BRD10: variants seen among roughly 807,000 people sequenced by gnomAD.
BRD10 encodes bromodomain containing 10.
the BRD10 span, chr9:5,922,401 G>C: frequency 6.2e-7 from 1 of 1,613,942 alleles, no homozygotes; most frequent in South Asian, 1.1e-5. Context: ...TTAACTGATG[G>C]TGTTAATAAG....
chr9:5,935,594 A>AT, the BRD10 span, among the ~76,000 whole-genome samples: 2 of 152,220 alleles, frequency 1.3e-5, no homozygotes, highest in East Asian at 3.8e-4. Context: ...CAAACTGATG[A>AT]TATTTTAACA....
At chr9:5,960,554 C>T in the BRD10 span, among the ~76,000 whole-genome samples, 1 of 124,266 alleles carries the variant, frequency 8.0e-6, no homozygotes, top group Non-Finnish European at 1.8e-5. Context: ...AAGAGTGAGA[C>T]TCTGTCTCAA....
the BRD10 span, among the ~76,000 whole-genome samples, chr9:5,996,859 A>T: frequency 6.6e-6 from 1 of 152,156 alleles, no homozygotes; most frequent in Admixed American, 6.5e-5. Context: ...AGGAGTTCTC[A>T]ATGCAGGCAG....
chr9:6,002,668 C>T, the BRD10 span, among the ~76,000 whole-genome samples: 5 of 151,260 alleles, frequency 3.3e-5, no homozygotes, highest in African/African-American at 9.7e-5. Context: ...AATTTTTGAG[C>T]CTTCATGAGG....
chr9:5,924,661 A>G, the BRD10 span: 2 of 1,499,080 alleles, frequency 1.3e-6, no homozygotes, highest in South Asian at 1.4e-5. Context: ...TGCTTACCTG[A>G]ATCAAAGTGA....
the BRD10 span, among the ~76,000 whole-genome samples, chr9:5,987,344 C>CA: frequency 6.6e-6 from 1 of 152,036 alleles, no homozygotes; most frequent in Non-Finnish European, 1.5e-5. Context: ...AGGTGGTGAC[C>CA]AGTAGTGGAG....
At chr9:5,928,466 C>G in the BRD10 span, among the ~76,000 whole-genome samples, 1 of 152,220 alleles carries the variant, frequency 6.6e-6, no homozygotes, top group Non-Finnish European at 1.5e-5. Flanking sequence ...TCTTAAAGAT[C>G]TACATGATCT....
the BRD10 span, among the ~76,000 whole-genome samples, chr9:5,892,818 C>T: frequency 6.6e-6 from 1 of 152,184 alleles, no homozygotes; most frequent in Non-Finnish European, 1.5e-5. Flanking sequence ...TGGGTCTTAT[C>T]TGTAGGTTCC....
the BRD10 span, among the ~76,000 whole-genome samples, chr9:5,905,622 A>C: frequency 6.6e-6 from 1 of 152,234 alleles, no homozygotes; most frequent in Non-Finnish European, 1.5e-5. Context: ...ACTGACTTCA[A>C]GTCTTAAGAC....
the BRD10 span, chr9:5,988,600 C>A: frequency 7.7e-7 from 1 of 1,293,438 alleles, no homozygotes; most frequent in Non-Finnish European, 1.1e-6. Context: ...AAGCAATAAA[C>A]CCCCTTAGCC....
the BRD10 span, among the ~76,000 whole-genome samples, chr9:5,897,393 G>C: frequency 2.0e-5 from 3 of 152,226 alleles, no homozygotes; most frequent in African/African-American, 4.8e-5. Flanking sequence ...GGTGCTGGAG[G>C]CCTGGTGGGG....
chr9:5,907,997 ATATTTC>A, the BRD10 span, among the ~76,000 whole-genome samples: 1 of 152,196 alleles, frequency 6.6e-6, no homozygotes, highest in Non-Finnish European at 1.5e-5. Flanking sequence ...GGCTTGTACC[ATATTTC>A]TATTGGACAG....
chr9:5,896,445 T>C, the BRD10 span, among the ~76,000 whole-genome samples: 235 of 152,314 alleles, frequency 1.5e-3, 1 homozygote, highest in Middle Eastern at 0.034. Context: ...CTATCCTGTT[T>C]GGAGACGGAC....
At chr9:5,974,645 G>A in the BRD10 span, among the ~76,000 whole-genome samples, 1 of 152,180 alleles carries the variant, frequency 6.6e-6, no homozygotes, top group Non-Finnish European at 1.5e-5. Context: ...AGAGTCTGCA[G>A]GACATAGTAC....
At chr9:5,955,068 A>G in the BRD10 span, among the ~76,000 whole-genome samples, 1 of 152,142 alleles carries the variant, frequency 6.6e-6, no homozygotes, top group East Asian at 1.9e-4. Flanking sequence ...AGCCTGGGCA[A>G]CAATAGTGAA....
the BRD10 span, among the ~76,000 whole-genome samples, chr9:5,899,486 T>C: frequency 6.6e-6 from 1 of 152,190 alleles, no homozygotes; most frequent in Admixed American, 6.5e-5. Context: ...CATAGCCCTC[T>C]AGTGTGCTGA....
chr9:5,922,180 C>T, the BRD10 span: 14 of 1,613,846 alleles, frequency 8.7e-6, no homozygotes, highest in East Asian at 2.2e-5. Flanking sequence ...CTCTTATGCA[C>T]ACAGTTTTCA....
the BRD10 span, among the ~76,000 whole-genome samples, chr9:5,904,744 C>T: frequency 2.7e-5 from 4 of 150,578 alleles, no homozygotes; most frequent in Non-Finnish European, 4.4e-5. Context: ...GGATTACAGG[C>T]GTGAGCCACC....
the BRD10 span, among the ~76,000 whole-genome samples, chr9:5,924,047 C>A: frequency 2.6e-5 from 4 of 152,130 alleles, no homozygotes; most frequent in Non-Finnish European, 5.9e-5. Flanking sequence ...AGGCCATCAA[C>A]CATGGTAATT....
Sources: gnomAD v4.1 joint callset for allele counts (sites outside exome capture counted in the v4.1 genomes callset) on GRCh38, gnomAD v4.1.1 for gene constraint, MANE v1.5 for transcripts, NCBI Gene and HGNC (gene_info 2026-07-23, HGNC 2026-07-21) for gene names.